Variants in ITK observed in about 807,000 individuals in gnomAD.
The protein encoded by ITK is IL2 inducible T cell kinase.
ITK carries 45 observed loss-of-function variants against 87.6 expected under a neutral mutation model. That is an observed-to-expected ratio of 0.51 (90% CI 0.40 to 0.66). The LOEUF is 0.66. Ranked by LOEUF, ITK falls within the 30% of genes least tolerant of loss-of-function variation. ITK has a pLI of 0.00. For synonymous variants in ITK, 303 were observed against 273.6 expected, an observed-to-expected ratio of 1.11 and a Z score of -1.06; for missense variants, 605 against 766.3, an observed-to-expected ratio of 0.79 and a Z score of 2.48.
chr5:157,222,441 T>G (rs1481936628), intron 5 of ITK, among the ~76,000 whole-genome samples: 1 of 152,178 alleles, frequency 6.6e-6, no homozygotes, highest in African/African-American at 2.4e-5. Context: ...TTAAGTGATC[T>G]GTTAGAGGAA....
At chr5:157,249,081 A>G (rs1755086914) in intron 16 of ITK, 74 bp downstream of exon 16, 1 of 1,322,550 alleles carries the variant, frequency 7.6e-7, no homozygotes, top group Admixed American at 1.7e-5. Context: ...TAGAGAAAGG[A>G]ACCCTCTCAG....
In ITK at chr5:157,181,001, A is replaced by G. The variant is rs2113732596; in HGVS notation, c.24A>G (p.Glu8=). Residue 8 remains glutamate (E), a synonymous_variant, in exon 1 of 17, where the codon GAA becomes GAG. Coordinates refer to ENST00000422843, the MANE Select transcript of ITK (RefSeq NM_005546.4). Reference sequence around the variant, plus strand: ...TCATGAACAACTTTATCCTCCTGGAAGAACAGCTCATCAAGAAATCCCAAC... The same window carrying G: ...TCATGAACAACTTTATCCTCCTGGAGGAACAGCTCATCAAGAAATCCCAAC... MNNFILL[E]EQLIKKSQQK... 6.2e-7 allele frequency: 1 copy of G among 1,613,966 alleles called. No individual in the cohort carries two copies.
chr5:157,247,699 T>G (rs1755052243), intron 15 of ITK, among the ~76,000 whole-genome samples: 1 of 152,134 alleles, frequency 6.6e-6, no homozygotes, highest in South Asian at 2.1e-4. Flanking sequence ...GTGAAAAAAC[T>G]GGGGGTACCA....
rs919076831 is a variant in ITK, at chr5:157,255,000, G to T, written c.*2322G>T. ...GTTCTAGTTTTATTTCGTAGATTTTGCATTTTGTACCTTTTGAGACTATGT... is the reference window on the plus strand; with the variant it reads ...GTTCTAGTTTTATTTCGTAGATTTTTCATTTTGTACCTTTTGAGACTATGT... On this transcript the variant is annotated 3_prime_UTR_variant, in exon 17 of 17. Transcript: ENST00000422843. 1 of 207,796 alleles carries T rather than the reference G, an allele frequency of 4.8e-6. No individual in the cohort carries two copies. Among genetic ancestry groups the T allele is most frequent in the African/African-American group, 2.3e-5 (1 of 43,754 alleles). The allele number at this position is 207,796 out of a possible 1,614,324, so 12.9% of individuals were successfully genotyped here.
At chr5:157,204,716 A>G (rs552274835) in intron 1 of ITK, among the ~76,000 whole-genome samples, 13 of 149,980 alleles carry the variant, frequency 8.7e-5, no homozygotes, top group East Asian at 2.0e-4. Context: ...CAAAAAAGAG[A>G]AAAAAAAAAG....
At chr5:157,181,243 A>C in intron 1 of ITK, 128 bp downstream of exon 1, 1 of 1,023,014 alleles carries the variant, frequency 9.8e-7, no homozygotes, top group Non-Finnish European at 1.5e-6. Context: ...TAACAACATA[A>C]AAAGTACAGT....
At chr5:157,237,026 A>G (rs139023251) in intron 8 of ITK, among the ~76,000 whole-genome samples, 3 of 152,238 alleles carry the variant, frequency 2.0e-5, no homozygotes, top group Non-Finnish European at 4.4e-5. Flanking sequence ...AAAACTAAAA[A>G]TAAAATTATT....
intron 15 of ITK, among the ~76,000 whole-genome samples, chr5:157,246,927 G>T (rs17654767): frequency 0.032 from 4,832 of 152,306 alleles, 97 homozygotes; most frequent in Middle Eastern, 0.048. Context: ...TGTTGGTATT[G>T]CAGGATGTGC....
intron 1 of ITK, among the ~76,000 whole-genome samples, chr5:157,205,722 T>C (rs1580883500): frequency 2.0e-5 from 3 of 152,220 alleles, no homozygotes; most frequent in South Asian, 4.1e-4. Context: ...GCCCATTCAG[T>C]ATGATGTTGG....
intron 7 of ITK, among the ~76,000 whole-genome samples, 158 bp from the exon 8 acceptor site, chr5:157,232,182 G>T (rs1157826146): frequency 6.6e-6 from 1 of 152,138 alleles, no homozygotes; most frequent in East Asian, 1.9e-4. Context: ...AGAAACATAC[G>T]TGTGCAGACT....
At position 157,201,551 on chromosome 5, in the gene ITK, C is replaced by T. The variant is rs148377898; in HGVS notation, c.139-7338C>T. ...ACCTCAAGTAATCCACCTGCCTCAA[C>T]CTCCCAAAGTGCTGGGATTACAGGC... On this transcript the variant is annotated intron_variant, in intron 1 of 16. Transcript: ENST00000422843. Among the ~76,000 whole-genome samples, 988 of 152,166 alleles carry T rather than the reference C, an allele frequency of 6.5e-3. 17 individuals carry two copies. The highest frequency in any genetic ancestry group is 0.023 in the African/African-American group (953 of 41,512).
chr5:157,223,003 G>A lies in ITK; in HGVS notation c.636G>A (p.Gln212=). 1 of 1,614,094 alleles carries A rather than the reference G, an allele frequency of 6.2e-7. No individual in the cohort carries two copies. The highest frequency in any genetic ancestry group is 8.5e-7 in the Non-Finnish European group (1 of 1,180,012). ...DSSEIHWWRV[Q]DRNGHEGYVP... ...CTGAGATTCACTGGTGGAGAGTCCA[G>A]GACAGGAATGGGTAAGTCATCTTTG... is the stretch of plus-strand genomic sequence containing the variant. Residue 212 remains glutamine, a synonymous_variant, in exon 6 of 17, where the codon CAG becomes CAA. Coordinates refer to ENST00000422843, the MANE Select transcript of ITK (RefSeq NM_005546.4).
At chr5:157,203,742 A>T (rs1304307903) in intron 1 of ITK, among the ~76,000 whole-genome samples, 1 of 152,238 alleles carries the variant, frequency 6.6e-6, no homozygotes, top group Non-Finnish European at 1.5e-5. Flanking sequence ...GTAAATGAGA[A>T]GATAGTTTGA....
At chr5:157,235,338 T>G (rs1041816508) in intron 8 of ITK, among the ~76,000 whole-genome samples, 14 of 152,222 alleles carry the variant, frequency 9.2e-5, no homozygotes, top group African/African-American at 3.4e-4. Flanking sequence ...GCCATATCAG[T>G]TCTTCCAATG....
At chr5:157,227,939 T>C (rs1376979310) in intron 6 of ITK, among the ~76,000 whole-genome samples, 1 of 151,456 alleles carries the variant, frequency 6.6e-6, no homozygotes, top group Non-Finnish European at 1.5e-5. Flanking sequence ...CAAGCGATTC[T>C]TGTGCCTCAG....
At chr5:157,246,757 C>A (rs1221314032) in intron 15 of ITK, among the ~76,000 whole-genome samples, 1 of 152,136 alleles carries the variant, frequency 6.6e-6, no homozygotes, top group African/African-American at 2.4e-5. Context: ...AGCCAGGGAA[C>A]AGTGTCCCTG....
At chr5:157,240,362 T>C in intron 10 of ITK, 167 bp downstream of exon 10, 1 of 683,562 alleles carries the variant, frequency 1.5e-6, no homozygotes, top group Non-Finnish European at 2.6e-6. Flanking sequence ...GGTTGTGTGC[T>C]CCTTATAAGA....
chr5:157,229,255 G>A (rs1754599030), intron 7 of ITK, among the ~76,000 whole-genome samples: 1 of 152,188 alleles, frequency 6.6e-6, no homozygotes, highest in African/African-American at 2.4e-5. Flanking sequence ...GCAAGTTAAA[G>A]TTTGATGAGC....
rs369508009 is a variant in ITK, at chr5:157,252,717, A to G, written c.*39A>G. 3.4e-5 allele frequency: 49 copies of G among 1,440,868 alleles called. No individual in the cohort carries two copies. The highest frequency in any genetic ancestry group is 4.4e-5 in the Non-Finnish European group (45 of 1,022,036). 89.3% of individuals were successfully genotyped at this position (1,440,868 alleles called of 1,614,324 possible). A position where few individuals can be genotyped will look rare whatever the true frequency, so the allele number is the denominator to read the frequency against. ...CCAGGCCACGGGCTGCAGATCCTGAATGGAGGAAGGATATGTCCTCATTCC... is the reference window on the plus strand; with the variant it reads ...CCAGGCCACGGGCTGCAGATCCTGAGTGGAGGAAGGATATGTCCTCATTCC... On this transcript the variant is annotated 3_prime_UTR_variant, in exon 17 of 17. Coordinates refer to ENST00000422843, the MANE Select transcript of ITK (RefSeq NM_005546.4).
Sources: gnomAD v4.1 joint callset for allele counts (sites outside exome capture counted in the v4.1 genomes callset) on GRCh38, gnomAD v4.1.1 for gene constraint, MANE v1.5 for transcripts, NCBI Gene and HGNC (gene_info 2026-07-23, HGNC 2026-07-21) for gene names.